Variants in CDH12 observed in about 807,000 individuals in gnomAD.
The protein encoded by CDH12 is cadherin 12.
CDH12 carries 41 observed loss-of-function variants against 74.1 expected under a neutral mutation model. The ratio of observed to expected loss-of-function variants is 0.55; its 90% CI spans 0.43 to 0.72. The LOEUF (loss-of-function observed/expected upper bound fraction) is 0.72, where lower values mean the gene tolerates loss of function less well. Among genes scored for constraint, CDH12 ranks in the 30% least tolerant of loss-of-function variants. CDH12 has a pLI of 0.00. For synonymous variants in CDH12, 399 were observed against 355.0 expected, an observed-to-expected ratio of 1.12 and a Z score of -1.39; for missense variants, 945 against 977.2, an observed-to-expected ratio of 0.97 and a Z score of 0.44.
At chr5:22,610,910 A>C (rs1737362656) in intron 1 of CDH12, among the ~76,000 whole-genome samples, 1 of 152,136 alleles carries the variant, frequency 6.6e-6, no homozygotes, top group African/African-American at 2.4e-5. Flanking sequence ...ACTCTTTGAT[A>C]GATGAGGATG....
chr5:22,687,525 A>C (rs576307069), intron 1 of CDH12, among the ~76,000 whole-genome samples: 1 of 152,216 alleles, frequency 6.6e-6, no homozygotes, highest in East Asian at 1.9e-4. Context: ...CTTCTGCCTC[A>C]GCCTCTCAAG....
intron 1 of CDH12, among the ~76,000 whole-genome samples, chr5:22,751,545 G>A (rs192074296): frequency 2.0e-5 from 3 of 151,930 alleles, no homozygotes; most frequent in Admixed American, 2.0e-4. Flanking sequence ...TTAGCTGTTA[G>A]CGTCTGGAGT....
At chr5:22,458,881 T>A (rs948306912) in intron 2 of CDH12, among the ~76,000 whole-genome samples, 2 of 152,154 alleles carry the variant, frequency 1.3e-5, no homozygotes, top group Non-Finnish European at 2.9e-5. Context: ...CAGAAAACAA[T>A]ACTGGTTTGG....
chr5:21,876,230 T>C (rs1026607333), intron 6 of CDH12, among the ~76,000 whole-genome samples: 1 of 152,124 alleles, frequency 6.6e-6, no homozygotes, highest in African/African-American at 2.4e-5. Flanking sequence ...CAAATCTCTT[T>C]CTTCATGTTG....
At chr5:22,309,873 G>A (rs1351959316) in intron 3 of CDH12, among the ~76,000 whole-genome samples, 1 of 151,246 alleles carries the variant, frequency 6.6e-6, no homozygotes, top group Non-Finnish European at 1.5e-5. Flanking sequence ...TGGGAAGGGG[G>A]AACTAAACCA....
intron 1 of CDH12, among the ~76,000 whole-genome samples, chr5:22,826,414 A>C (rs569246473): frequency 6.6e-6 from 1 of 152,200 alleles, no homozygotes; most frequent in African/African-American, 2.4e-5. Context: ...AAAATAGATA[A>C]ATACAGTAAA....
chr5:22,502,585 C>G (rs1736217669), intron 2 of CDH12, among the ~76,000 whole-genome samples: 1 of 151,824 alleles, frequency 6.6e-6, no homozygotes, highest in Non-Finnish European at 1.5e-5. Flanking sequence ...TTGGTGCTCC[C>G]AAAAGATCTG....
chr5:22,236,313 TA>T (rs1285763653), intron 3 of CDH12, among the ~76,000 whole-genome samples: 2 of 152,250 alleles, frequency 1.3e-5, no homozygotes, highest in Non-Finnish European at 2.9e-5. Flanking sequence ...TCTTTTGCAA[TA>T]ACACTTAGCT....
chr5:22,832,627 TTAAATC>T (rs1487294774), intron 1 of CDH12, among the ~76,000 whole-genome samples: 1 of 152,176 alleles, frequency 6.6e-6, no homozygotes. Flanking sequence ...TTTTAAAAGT[TTAAATC>T]TAATTATAAC....
chr5:22,819,544 A>G (rs1240601624), intron 1 of CDH12, among the ~76,000 whole-genome samples: 1 of 152,064 alleles, frequency 6.6e-6, no homozygotes. Flanking sequence ...CTTTGGAAAA[A>G]AGCTATGCAA....
intron 1 of CDH12, among the ~76,000 whole-genome samples, chr5:22,510,986 C>A (rs972372723): frequency 2.0e-4 from 31 of 151,914 alleles, no homozygotes; most frequent in Admixed American, 5.2e-4. Flanking sequence ...CCTCCACCTC[C>A]TGGGTTCAAG....
Position 22,511,933 on chromosome 5 carries a change from TTGTGTGTGTG to T in CDH12, c.-522-6579_-522-6570del, listed in dbSNP as rs3039486. Among the ~76,000 whole-genome samples the T allele has an allele frequency of 7.3e-3, 1,087 of 149,304 alleles. 11 individuals carry two copies. Among genetic ancestry groups the T allele is most frequent in the African/African-American group, 0.026 (1,050 of 40,818 alleles). On this transcript the variant is annotated intron_variant, in intron 1 of 14. Transcript: ENST00000382254. ...CATTGGAAAATATTTGTAACTATGA[TTGTGTGTGTG>T]TGTGTGTGTGTGTGTACATTCAATT... is the stretch of plus-strand genomic sequence containing the variant.
At chr5:22,479,451 C>T (rs565578272) in intron 2 of CDH12, among the ~76,000 whole-genome samples, 4 of 152,218 alleles carry the variant, frequency 2.6e-5, no homozygotes, top group South Asian at 2.1e-4. Context: ...TTTGGAGCCT[C>T]GATGCACTGC....
intron 3 of CDH12, among the ~76,000 whole-genome samples, chr5:22,218,469 C>A (rs1751900871): frequency 6.6e-6 from 1 of 151,484 alleles, no homozygotes; most frequent in African/African-American, 2.4e-5. Context: ...ATAAAACAAG[C>A]CAGAAACAAA....
chr5:21,870,156 C>T (rs368656446), intron 6 of CDH12, among the ~76,000 whole-genome samples: 12 of 152,172 alleles, frequency 7.9e-5, no homozygotes, highest in African/African-American at 2.9e-4. Context: ...TGAAGCTTCC[C>T]CAGCCATGTG....
intron 1 of CDH12, among the ~76,000 whole-genome samples, chr5:22,800,270 A>AT (rs1491153985): frequency 6.6e-6 from 1 of 152,202 alleles, no homozygotes; most frequent in African/African-American, 2.4e-5. Context: ...AATAACAAAC[A>AT]TAATGTTGCT....
Position 21,784,980 on chromosome 5 carries a change from C to T in CDH12, c.1257-1486G>A, listed in dbSNP as rs546235746. Among the ~76,000 whole-genome samples the T allele has an allele frequency of 5.5e-4, 84 of 152,210 alleles. 1 individual carries two copies. The highest frequency in any genetic ancestry group is 6.8e-3 in the Middle Eastern group (2 of 294). On this transcript the variant is annotated intron_variant, in intron 10 of 14. Transcript: ENST00000382254. ...GTTTTTACAAACTGAAAGTTTGTTG[C>T]AACCCTGTGTCAAGCAAGTTCATCG...
chr5:22,764,009 T>C (rs976761958), intron 1 of CDH12, among the ~76,000 whole-genome samples: 1 of 151,960 alleles, frequency 6.6e-6, no homozygotes, highest in Non-Finnish European at 1.5e-5. Flanking sequence ...TTTTATACTT[T>C]ATATGTAAGA....
intron 4 of CDH12, among the ~76,000 whole-genome samples, chr5:22,181,551 A>G (rs1424740544): frequency 5.9e-5 from 9 of 152,152 alleles, no homozygotes; most frequent in African/African-American, 2.2e-4. Flanking sequence ...CAATATTTAT[A>G]TTTCAATCTC....
Sources: allele counts gnomAD v4.1 joint callset (sites outside exome capture counted in the v4.1 genomes callset), GRCh38; gene constraint gnomAD v4.1.1; transcripts MANE v1.5; gene names NCBI Gene and HGNC (gene_info 2026-07-23, HGNC 2026-07-21).